CIP2A: variants seen among roughly 807,000 people sequenced by gnomAD.
The protein encoded by CIP2A is protein CIP2A.
In CIP2A, 103 loss-of-function variants were observed where a neutral mutation model predicts 110.9. That is an observed-to-expected ratio of 0.93 (90% CI 0.79 to 1.09). The LOEUF is 1.09. Ranked by LOEUF, CIP2A falls within the 50% of genes least tolerant of loss-of-function variation. CIP2A has a pLI of 0.00. For synonymous variants in CIP2A, 381 were observed against 361.6 expected (o/e 1.05, Z -0.61); for missense variants, 1,088 against 1,038.4 (o/e 1.05, Z -0.66).
chr3:108,571,227 C>A (rs1184122756), intron 8 of CIP2A, among the ~76,000 whole-genome samples: 3 of 152,130 alleles, frequency 2.0e-5, no homozygotes, highest in Non-Finnish European at 2.9e-5. Flanking sequence ...GAAGTACACT[C>A]TAAAATAACA....
At chr3:108,565,887 A>G (rs888821601) in intron 11 of CIP2A, among the ~76,000 whole-genome samples, 5 of 151,832 alleles carry the variant, frequency 3.3e-5, no homozygotes, top group Admixed American at 2.6e-4. Context: ...ATAAAAACAG[A>G]TAATTCTTAC....
chr3:108,552,295 A>C lies in CIP2A; in HGVS notation c.2486T>G (p.Ile829Ser), dbSNP rs200502101. 3 of 1,567,144 alleles carry C rather than the reference A, an allele frequency of 1.9e-6. No individual in the cohort carries two copies. The highest frequency in any genetic ancestry group is 2.6e-6 in the Non-Finnish European group (3 of 1,150,800). The change falls in exon 20 of 21, where the codon ATT (isoleucine) becomes AGT (serine). Residue 829 changes from isoleucine (I) to serine (S), a missense_variant. Transcript: ENST00000295746. ...QKEREDKEET[I>S]DILRKELSRT... ...GCTTAATTCTTTTCTAAGGATATCA[A>C]TGGTTTCTTCCTTATCTTCCCTTTC...
Position 108,554,393 on chromosome 3 carries a change from G to A in CIP2A, c.2307C>T (p.Leu769=). The part of the protein sequence containing the change: ...IETVKKLNES[L]KEQNEKSIAQ... ...GATTTTACTTTTCATTTTGTTCCTT[G>A]AGTGACTCATTCAACTTTTTCACTG... Residue 769 remains leucine, a synonymous_variant, in exon 18 of 21, where the codon CTC becomes CTT. Transcript: ENST00000295746. 6.7e-7 allele frequency: 1 copy of A among 1,494,702 alleles called. No homozygotes were observed. The highest frequency in any genetic ancestry group is 9.3e-7 in the Non-Finnish European group (1 of 1,079,870). 92.6% of individuals were successfully genotyped at this position (1,494,702 alleles called of 1,614,324 possible).
At chr3:108,569,342 TGA>T (rs1938304946) in intron 9 of CIP2A, 45 bp downstream of exon 9, 1 of 1,356,992 alleles carries the variant, frequency 7.4e-7, no homozygotes, top group African/African-American at 1.4e-5. Flanking sequence ...AATTGTTAAC[TGA>T]GAGTCACAAA....
At chr3:108,575,297 CGT>C (rs1289479355) in intron 8 of CIP2A, among the ~76,000 whole-genome samples, 1 of 150,506 alleles carries the variant, frequency 6.6e-6, no homozygotes, top group African/African-American at 2.4e-5. Context: ...CGTACACACA[CGT>C]GTACGTACAC....
rs1559701502 is a variant in CIP2A at position 108,579,354 on chromosome 3, G to C, written c.745C>G (p.Leu249Val). The C allele has an allele frequency of 2.5e-6, 4 of 1,604,238 alleles. No individual in the cohort carries two copies. Among genetic ancestry groups the C allele is most frequent in the Non-Finnish European group, 3.4e-6 (4 of 1,171,366 alleles). ...AGGTCAACTGAATACTTTCTAGTTA[G>C]AGTGCCATCACCGTTTATGAGAATA... ...FNILINGDGT[L>V]TRKYSVDLLM... The change falls in exon 7 of 21, where the codon CTA becomes GTA. Residue 249 changes from leucine to valine, a missense_variant. Leu to Val is a conservative substitution (Grantham distance 32, BLOSUM62 1). Coordinates refer to ENST00000295746, the MANE Select transcript of CIP2A (RefSeq NM_020890.3).
At chr3:108,554,873 C>A (rs1234426648) in intron 17 of CIP2A, among the ~76,000 whole-genome samples, 1 of 152,088 alleles carries the variant, frequency 6.6e-6, no homozygotes, top group East Asian at 1.9e-4. Flanking sequence ...AAGGTAAACA[C>A]AGAAAAAAAT....
At position 108,588,055 on chromosome 3, in the gene CIP2A, G is replaced by C. The variant is rs369546105; in HGVS notation, c.102+1219C>G. 2.6e-4 allele frequency among the ~76,000 whole-genome samples: 39 copies of C among 152,302 alleles called. 1 individual carries two copies. The East Asian group carries it at 3.7e-3, about 14-fold the overall frequency. Reference sequence around the variant, plus strand: ...GGCCTCCCAAAGTGCTGGGATTACAGGTGTAAGCCCCTGTGCCTTAAATCT... The same window carrying C: ...GGCCTCCCAAAGTGCTGGGATTACACGTGTAAGCCCCTGTGCCTTAAATCT... On this transcript the variant is annotated intron_variant, in intron 1 of 20. Transcript: ENST00000295746.
chr3:108,585,177 T>C lies in CIP2A; in HGVS notation c.138A>G (p.Thr46=), dbSNP rs764083957. The C allele has an allele frequency of 4.3e-6, 7 of 1,612,898 alleles. No homozygotes were observed. Among genetic ancestry groups the C allele is most frequent in the Non-Finnish European group, 5.1e-6 (6 of 1,179,262 alleles). ...ATTCACTTGTTAATATCTGATTTGA[T>C]GTAAATAGTCGTGTGAGTTTCTGTC... ...ISGQKLTRLF[T]SNQILTSECL... Residue 46 remains threonine, a synonymous_variant, in exon 2 of 21, where the codon ACA becomes ACG. Transcript: ENST00000295746.
At chr3:108,572,858 G>A (rs1938446014) in intron 8 of CIP2A, among the ~76,000 whole-genome samples, 1 of 151,854 alleles carries the variant, frequency 6.6e-6, no homozygotes, top group African/African-American at 2.4e-5. Context: ...GAACATCACT[G>A]GTGATAATGA....
At chr3:108,560,615 T>C (rs763926284) in intron 14 of CIP2A, 34 bp downstream of exon 14, 3 of 1,356,364 alleles carry the variant, frequency 2.2e-6, no homozygotes, top group African/African-American at 1.5e-5. Context: ...ATAGCTAATA[T>C]GTACCAGGTT....
intron 1 of CIP2A, chr3:108,585,638 C>A: frequency 2.2e-6 from 1 of 454,084 alleles, no homozygotes; most frequent in Non-Finnish European, 4.4e-6. Context: ...ATTTACTATG[C>A]AAATAAATTC....
chr3:108,579,522 A>C, intron 6 of CIP2A, 44 bp downstream of exon 6: 1 of 1,568,644 alleles, frequency 6.4e-7, no homozygotes, highest in Non-Finnish European at 8.6e-7. Context: ...CTTTTAAAAT[A>C]TCAGACTATA....
intron 8 of CIP2A, among the ~76,000 whole-genome samples, chr3:108,570,901 A>G (rs1043050146): frequency 6.6e-6 from 1 of 152,164 alleles, no homozygotes; most frequent in Non-Finnish European, 1.5e-5. Context: ...GTAGTAAGAG[A>G]AACACACTGT....
At position 108,587,116 on chromosome 3, in the gene CIP2A, ATTGT is replaced by A. The variant is rs542247143; in HGVS notation, c.103-1908_103-1905del. On this transcript the variant is annotated intron_variant, in intron 1 of 20. Coordinates refer to ENST00000295746, the MANE Select transcript of CIP2A (RefSeq NM_020890.3). ...AAGATAAAATGGCATATTTCAGAAA[ATTGT>A]TTGGCAGTTTCAACTAAAACGGAAC... 2.6e-3 allele frequency among the ~76,000 whole-genome samples: 395 copies of A among 152,314 alleles called. 2 individuals carry two copies. The highest frequency in any genetic ancestry group is 8.5e-3 in the African/African-American group (355 of 41,564).
rs370898234 is a variant in CIP2A at position 108,570,012 on chromosome 3, T to C, written c.895-405A>G. Among the ~76,000 whole-genome samples the C allele has an allele frequency of 3.9e-5, 6 of 152,120 alleles. No individual in the cohort carries two copies. In the East Asian group the frequency reaches 5.8e-4, roughly 15 times the overall value. On this transcript the variant is annotated intron_variant, in intron 8 of 20. Transcript: ENST00000295746. ...AAAATTCAATAACCGCTATAAAGGATACTGTAGCATAGAATATAAAACCTT... is the reference window on the plus strand; with the variant it reads ...AAAATTCAATAACCGCTATAAAGGACACTGTAGCATAGAATATAAAACCTT...
chr3:108,569,179 T>TATATATATATATATATATATACATAC (rs1271625941), intron 9 of CIP2A, among the ~76,000 whole-genome samples: 1 of 72,068 alleles, frequency 1.4e-5, no homozygotes, highest in African/African-American at 4.1e-5. Flanking sequence ...TATATATATA[T>TATATATATATATATATATATACATAC]ATACATACAC....
rs746628129 is a variant in CIP2A, at chr3:108,552,251, TTCTTATC to T, written c.2523_2529del (p.Ile842LysfsTer3). ...ATTCTTACCTTAATGCTCAACTCTT[TTCTTATC>T]TGTTCTGTTCTGCTTAATTCTTTTC... On this transcript the variant is annotated frameshift_variant, in exon 20 of 21. Coordinates refer to ENST00000295746, the MANE Select transcript of CIP2A (RefSeq NM_020890.3). LOFTEE classifies it high-confidence loss of function. 1 of 1,559,650 alleles carries T rather than the reference TTCTTATC, an allele frequency of 6.4e-7. No homozygotes were observed. Among genetic ancestry groups the T allele is most frequent in the Non-Finnish European group, 8.6e-7 (1 of 1,158,256 alleles).
rs191194274 is a variant in CIP2A, at chr3:108,552,509, T to C, written c.2408-136A>G. 1.7e-5 allele frequency: 8 copies of C among 464,998 alleles called. No homozygotes were observed. The Admixed American group carries it at 3.5e-4, about 20-fold the overall frequency. 28.8% of individuals were successfully genotyped at this position (464,998 alleles called of 1,614,324 possible). On this transcript the variant is annotated intron_variant, in intron 19 of 20. Transcript: ENST00000295746. ...AGAAACTTCTCTTATGACAGTATTC[T>C]ATAGAAAATACCAAATCTCCATGTC...
Sources: allele counts gnomAD v4.1 joint callset (sites outside exome capture counted in the v4.1 genomes callset), GRCh38; gene constraint gnomAD v4.1.1; transcripts MANE v1.5; gene names NCBI Gene and HGNC (gene_info 2026-07-23, HGNC 2026-07-21).